The following TMTC3 variants were observed in gnomAD, a reference collection of about 807,000 sequenced individuals.
TMTC3 encodes the protein transmembrane O-mannosyltransferase targeting cadherins 3.
TMTC3 carries 52 observed loss-of-function variants against 92.2 expected under a neutral mutation model. The ratio of observed to expected loss-of-function variants is 0.56; its 90% CI spans 0.45 to 0.71. The LOEUF (loss-of-function observed/expected upper bound fraction) is 0.71, where lower values mean the gene tolerates loss of function less well. Among genes scored for constraint, TMTC3 ranks in the 30% least tolerant of loss-of-function variants. The pLI is 0.00. For missense variants in TMTC3, 896 were observed against 1,057.1 expected, an observed-to-expected ratio of 0.85 and a Z score of 2.11; for synonymous variants, 339 against 363.3, an observed-to-expected ratio of 0.93 and a Z score of 0.76.
rs1004067113 is a variant in TMTC3, at chr12:88,185,838, A to G, written c.1433-3005A>G. Among the ~76,000 whole-genome samples the G allele has an allele frequency of 3.9e-5, 6 of 152,076 alleles. No homozygotes were observed. The East Asian group carries it at 1.2e-3, about 29-fold the overall frequency. ...TTTTTTTTGTCTGTTAATACAGTGG[A>G]TATCATCAATTGATTTCATAATGTT... On this transcript the variant is annotated intron_variant, in intron 10 of 13. Transcript: ENST00000266712.
chr12:88,156,728 C>A (rs1206360607), intron 4 of TMTC3, among the ~76,000 whole-genome samples: 2 of 149,630 alleles, frequency 1.3e-5, no homozygotes, highest in African/African-American at 4.9e-5. Flanking sequence ...TGTCTTCTGC[C>A]TTAAATGTAA....
intron 13 of TMTC3, 76 bp from the exon 14 acceptor site, chr12:88,194,762 T>C: frequency 1.1e-6 from 1 of 951,058 alleles, no homozygotes; most frequent in Non-Finnish European, 1.4e-6. Context: ...GTAATCTAAG[T>C]ATTTGAAAAT....
chr12:88,199,295 A>ATATG lies in TMTC3; in HGVS notation c.*3648_*3651dup, dbSNP rs1214395874. The ATATG allele has an allele frequency of 6.6e-6, 1 of 151,994 alleles. No individual in the cohort carries two copies. The highest frequency in any genetic ancestry group is 2.4e-5 in the African/African-American group (1 of 41,418). 9.4% of individuals were successfully genotyped at this position (151,994 alleles called of 1,614,324 possible). On this transcript the variant is annotated 3_prime_UTR_variant, in exon 14 of 14. Coordinates refer to ENST00000266712, the MANE Select transcript of TMTC3 (RefSeq NM_181783.4). ...TAACTTAGAGGAAATTGTTCTACCT[A>ATATG]TATGTCCTCAGTTTCTTCATCTACA... is the stretch of plus-strand genomic sequence containing the variant.
chr12:88,149,394 A>G (rs2040913913), intron 2 of TMTC3, among the ~76,000 whole-genome samples: 1 of 152,128 alleles, frequency 6.6e-6, no homozygotes. Flanking sequence ...ATGGAAAGTA[A>G]TTTTCCTGAT....
chr12:88,145,655 A>G (rs180841333), intron 1 of TMTC3, among the ~76,000 whole-genome samples: 2 of 152,304 alleles, frequency 1.3e-5, no homozygotes, highest in East Asian at 3.9e-4. Context: ...TAGATATGGT[A>G]ATCTATGTGT....
Position 88,172,636 on chromosome 12 carries a change from A to G in TMTC3, c.1090A>G (p.Asn364Asp). 6.4e-7 allele frequency: 1 copy of G among 1,565,310 alleles called. No homozygotes were observed. Among genetic ancestry groups the G allele is most frequent in the South Asian group, 1.2e-5 (1 of 81,184 alleles). The change falls in exon 8 of 14, where the codon AAC becomes GAC. Residue 364 changes from asparagine to aspartate, a missense_variant. By Grantham distance (23) the Asn-to-Asp change is conservative. Transcript: ENST00000266712. ...LMALPFIPAS[N>D]LFFPVGFVVA... ...GGCATTACCATTTATTCCTGCATCGAACCTTTTTTTTCCAGTTGGATTTGT... is the reference window on the plus strand; with the variant it reads ...GGCATTACCATTTATTCCTGCATCGGACCTTTTTTTTCCAGTTGGATTTGT...
In TMTC3 at chr12:88,195,668, C is replaced by CA; in HGVS notation, c.*21dup. 1.3e-6 allele frequency: 2 copies of CA among 1,551,202 alleles called. No homozygotes were observed. Among genetic ancestry groups the CA allele is most frequent in the Non-Finnish European group, 1.7e-6 (2 of 1,151,106 alleles). On this transcript the variant is annotated 3_prime_UTR_variant, in exon 14 of 14. Coordinates refer to ENST00000266712, the MANE Select transcript of TMTC3 (RefSeq NM_181783.4). ...TGAATAACATTAATATTTATCGTGA[C>CA]AATGGTATCAAAGAACATCAATCCG...
At chr12:88,171,915 T>G (rs986041510) in intron 7 of TMTC3, among the ~76,000 whole-genome samples, 1 of 152,166 alleles carries the variant, frequency 6.6e-6, no homozygotes, top group Non-Finnish European at 1.5e-5. Context: ...CGATGACATC[T>G]CATTGTGGTT....
chr12:88,148,480 C>T lies in TMTC3; in HGVS notation c.165C>T (p.Asp55=). 1.9e-6 allele frequency: 3 copies of T among 1,610,926 alleles called. No individual in the cohort carries two copies. The highest frequency in any genetic ancestry group is 2.5e-6 in the Non-Finnish European group (3 of 1,178,490). Residue 55 remains aspartate, a synonymous_variant, in exon 2 of 14, where the codon GAC becomes GAT. Transcript: ENST00000266712. The part of the protein sequence containing the change: ...STPLKTLFQN[D]FWGTPMSEER... The stretch of plus-strand genomic sequence containing the variant: ...CTTTAAAAACTTTATTTCAAAATGA[C>T]TTCTGGGGAACCCCTATGTCTGAGG...
intron 10 of TMTC3, among the ~76,000 whole-genome samples, chr12:88,183,944 G>A (rs1408434671): frequency 2.0e-5 from 3 of 152,032 alleles, no homozygotes; most frequent in African/African-American, 7.2e-5. Flanking sequence ...AATCCCAAGC[G>A]GGCACCAATG....
At chr12:88,152,899 C>T (rs2040959702) in intron 2 of TMTC3, among the ~76,000 whole-genome samples, 1 of 152,072 alleles carries the variant, frequency 6.6e-6, no homozygotes, top group Non-Finnish European at 1.5e-5. Flanking sequence ...AAGATCTAGC[C>T]AGTAGTTACA....
chr12:88,154,740 T>C (rs2040985422), intron 4 of TMTC3, among the ~76,000 whole-genome samples: 1 of 152,210 alleles, frequency 6.6e-6, no homozygotes, highest in African/African-American at 2.4e-5. Context: ...AAATAACACC[T>C]GGTAGACTGT....
chr12:88,187,068 C>T (rs2041385871), intron 10 of TMTC3, among the ~76,000 whole-genome samples: 1 of 150,812 alleles, frequency 6.6e-6, no homozygotes, highest in South Asian at 2.1e-4. Flanking sequence ...TCAGTTTATT[C>T]TTAAATTCTT....
chr12:88,170,471 AC>A (rs1387225169), intron 7 of TMTC3, among the ~76,000 whole-genome samples: 1 of 152,030 alleles, frequency 6.6e-6, no homozygotes, highest in African/African-American at 2.4e-5. Context: ...AGTTATTCTT[AC>A]CTTTTTGATT....
At position 88,192,848 on chromosome 12, in the gene TMTC3, A is replaced by G. The variant is rs756474948; in HGVS notation, c.1933+18A>G. 6.3e-7 allele frequency: 1 copy of G among 1,581,518 alleles called. No homozygotes were observed. The highest frequency in any genetic ancestry group is 1.7e-5 in the Admixed American group (1 of 57,640). On this transcript the variant is annotated intron_variant, in intron 13 of 13. Coordinates refer to ENST00000266712, the MANE Select transcript of TMTC3 (RefSeq NM_181783.4). ...AGAATCAGGTATGTTTTCTCAAAAT[A>G]TTTCTGTTTATATAAATTGTAGTTT...
chr12:88,144,498 AC>A (rs1235061960), intron 1 of TMTC3, among the ~76,000 whole-genome samples: 2 of 151,432 alleles, frequency 1.3e-5, no homozygotes, highest in African/African-American at 4.9e-5. Flanking sequence ...TTCTGCCACC[AC>A]CCTCTTGCTC....
rs1555235243 is a variant in TMTC3, at chr12:88,198,098, G to GT, written c.*2452dup. 1 of 381,478 alleles carries GT rather than the reference G, an allele frequency of 2.6e-6. No homozygotes were observed. Among genetic ancestry groups the GT allele is most frequent in the Non-Finnish European group, 4.6e-6 (1 of 215,444 alleles). The allele number at this position is 381,478 out of a possible 1,614,324, so 23.6% of individuals were successfully genotyped here. A position where few individuals can be genotyped will look rare whatever the true frequency, so the allele number is the denominator to read the frequency against. On this transcript the variant is annotated 3_prime_UTR_variant, in exon 14 of 14. Transcript: ENST00000266712. ...AGCATTTATTACATGAAATTTAAGA[G>GT]TTTAAGTTCCATCAAACTAGCCCTT...
At chr12:88,158,359 T>C (rs375262367) in intron 4 of TMTC3, among the ~76,000 whole-genome samples, 1 of 152,170 alleles carries the variant, frequency 6.6e-6, no homozygotes, top group Non-Finnish European at 1.5e-5. Context: ...GGGCCAACAT[T>C]AGGTCCAGCC....
At chr12:88,168,218 G>A (rs2041167351) in intron 7 of TMTC3, among the ~76,000 whole-genome samples, 1 of 152,226 alleles carries the variant, frequency 6.6e-6, no homozygotes. Context: ...GAGGGGGAAA[G>A]TGAGATCTAG....
Sources: allele counts gnomAD v4.1 joint callset (sites outside exome capture counted in the v4.1 genomes callset), GRCh38; gene constraint gnomAD v4.1.1; transcripts MANE v1.5; gene names NCBI Gene and HGNC (gene_info 2026-07-23, HGNC 2026-07-21).